Variants in PKIG observed in about 807,000 individuals in gnomAD.
PKIG encodes the protein cAMP-dependent protein kinase inhibitor gamma.
A neutral mutation model predicts 6.8 loss-of-function variants in PKIG; 1 was observed. The ratio of observed to expected loss-of-function variants is 0.15; its 90% CI spans 0.05 to 0.69. The LOEUF is 0.69. Among genes scored for constraint, PKIG ranks in the 30% least tolerant of loss-of-function variants. The pLI is 0.82. For missense variants in PKIG, 77 were observed against 104.0 expected (o/e 0.74, Z 1.13); for synonymous variants, 39 against 43.0 (o/e 0.91, Z 0.36).
At chr20:44,604,684 T>A (rs1031810299) in intron 2 of PKIG, among the ~76,000 whole-genome samples, 2 of 152,196 alleles carry the variant, frequency 1.3e-5, no homozygotes, top group Non-Finnish European at 2.9e-5. Flanking sequence ...GGCACTTACC[T>A]TGCATATCAG....
At chr20:44,579,662 A>T (rs2064930713), upstream of PKIG, among the ~76,000 whole-genome samples, 1 of 152,208 alleles carries the variant, frequency 6.6e-6, no homozygotes. Flanking sequence ...CAGTATTGTC[A>T]GTTATAAGAA....
At chr20:44,596,001 C>T (rs1438557431) in intron 2 of PKIG, among the ~76,000 whole-genome samples, 3 of 152,046 alleles carry the variant, frequency 2.0e-5, no homozygotes, top group African/African-American at 4.8e-5. Context: ...TTGTTTTACT[C>T]TTATCATTGT....
intron 1 of PKIG, among the ~76,000 whole-genome samples, chr20:44,533,591 T>A (rs1221210732): frequency 2.0e-5 from 3 of 152,058 alleles, no homozygotes; most frequent in Admixed American, 2.0e-4. Flanking sequence ...GTTCCAAACA[T>A]TTTCAAAAGT....
At chr20:44,607,373 A>ATTT (rs1404372234) in intron 2 of PKIG, among the ~76,000 whole-genome samples, 6 of 111,448 alleles carry the variant, frequency 5.4e-5, no homozygotes, top group African/African-American at 1.3e-4. Flanking sequence ...ATATATATAT[A>ATTT]TATATTTTTT....
chr20:44,565,558 G>A (rs1265746737), intron 1 of PKIG, among the ~76,000 whole-genome samples: 3 of 152,214 alleles, frequency 2.0e-5, no homozygotes, highest in Non-Finnish European at 4.4e-5. Flanking sequence ...GGTGACATCA[G>A]ATACTGGACA....
chr20:44,545,228 G>A (rs933650303), intron 1 of PKIG, among the ~76,000 whole-genome samples: 2 of 152,008 alleles, frequency 1.3e-5, no homozygotes, highest in East Asian at 1.9e-4. Context: ...GAGCCACTGC[G>A]CCTGCAATGC....
At chr20:44,570,818 T>G (rs1185465805) in intron 1 of PKIG, among the ~76,000 whole-genome samples, 2 of 152,198 alleles carry the variant, frequency 1.3e-5, no homozygotes, top group Non-Finnish European at 2.9e-5. Context: ...GATGGGTGGT[T>G]ATTTTAGGTT....
At chr20:44,585,506 A>G (rs1296269253) in intron 1 of PKIG, among the ~76,000 whole-genome samples, 1 of 152,206 alleles carries the variant, frequency 6.6e-6, no homozygotes, top group East Asian at 1.9e-4. Flanking sequence ...ACACCTAAGA[A>G]AGGCACAGAG....
chr20:44,612,517 C>T (rs1810941123), intron 2 of PKIG, among the ~76,000 whole-genome samples: 1 of 152,158 alleles, frequency 6.6e-6, no homozygotes, highest in African/African-American at 2.4e-5. Context: ...ATCTAATTGC[C>T]TTCAGAAAAC....
At chr20:44,566,062 A>G (rs1026490541) in intron 1 of PKIG, among the ~76,000 whole-genome samples, 3 of 152,028 alleles carry the variant, frequency 2.0e-5, no homozygotes, top group African/African-American at 7.2e-5. Context: ...ACACCCAGCC[A>G]ATAGGTGATT....
At chr20:44,544,925 CTTTTTTTTTTTTTTTTTT>C (rs796482642) in intron 1 of PKIG, among the ~76,000 whole-genome samples, 1 of 64,370 alleles carries the variant, frequency 1.6e-5, no homozygotes, top group African/African-American at 7.5e-5. Flanking sequence ...TTCCTTCTTT[CTTTTTTTTTTTTTTTTTT>C]TTTTTTTTTT....
chr20:44,584,997 A>G (rs950402003), intron 1 of PKIG: 1 of 152,210 alleles, frequency 6.6e-6, no homozygotes, highest in African/African-American at 2.4e-5. Context: ...GGACCCACCC[A>G]TGGGCATGGG....
chr20:44,560,236 C>T (rs1268954618), intron 1 of PKIG, among the ~76,000 whole-genome samples: 1 of 150,554 alleles, frequency 6.6e-6, no homozygotes, highest in East Asian at 1.9e-4. Context: ...GGTGATAGAG[C>T]CAGACCTTGT....
chr20:44,533,721 T>C (rs2064488146), intron 1 of PKIG, among the ~76,000 whole-genome samples: 1 of 151,246 alleles, frequency 6.6e-6, no homozygotes, highest in South Asian at 2.1e-4. Flanking sequence ...GCTACTGCAT[T>C]GCATACTCTT....
At chr20:44,596,851 G>A (rs2065079547) in intron 2 of PKIG, among the ~76,000 whole-genome samples, 1 of 152,192 alleles carries the variant, frequency 6.6e-6, no homozygotes, top group South Asian at 2.1e-4. Flanking sequence ...CACATATTAA[G>A]GGTAAAATCA....
intron 1 of PKIG, among the ~76,000 whole-genome samples, chr20:44,536,260 T>G (rs2123124320): frequency 6.6e-6 from 1 of 152,358 alleles, no homozygotes; most frequent in East Asian, 1.9e-4. Flanking sequence ...TGAATAATAC[T>G]GCAGTGAAAC....
intron 2 of PKIG, among the ~76,000 whole-genome samples, chr20:44,607,332 T>TG (rs2065172350): frequency 6.6e-6 from 1 of 150,714 alleles, no homozygotes; most frequent in Non-Finnish European, 1.5e-5. Flanking sequence ...TGTGTGTGTG[T>TG]TTGTGTGTGT....
chr20:44,581,678 A>T (rs2064949535), upstream of PKIG, among the ~76,000 whole-genome samples: 1 of 152,132 alleles, frequency 6.6e-6, no homozygotes, highest in African/African-American at 2.4e-5. Flanking sequence ...CATGTCCCTA[A>T]GGACTTGTTC....
intron 1 of PKIG, among the ~76,000 whole-genome samples, chr20:44,574,368 A>C (rs2064878174): frequency 6.6e-6 from 1 of 152,152 alleles, no homozygotes; most frequent in South Asian, 2.1e-4. Flanking sequence ...TGTATTACAG[A>C]AATTTTGAAA....
Sources: allele counts gnomAD v4.1 joint callset (sites outside exome capture counted in the v4.1 genomes callset), GRCh38; gene constraint gnomAD v4.1.1; transcripts MANE v1.5; gene names NCBI Gene and HGNC (gene_info 2026-07-23, HGNC 2026-07-21).